The following TRPC7 variants were observed in gnomAD, a reference collection of about 807,000 sequenced individuals.
TRPC7 encodes transient receptor potential cation channel subfamily C member 7, also known as short transient receptor potential channel 7.
Under a neutral mutation model 90.1 loss-of-function variants are expected in TRPC7, and 42 were observed. The ratio of observed to expected loss-of-function variants is 0.47; its 90% CI spans 0.36 to 0.60. The LOEUF is 0.60. Ranked by LOEUF, TRPC7 falls within the 20% of genes least tolerant of loss-of-function variation. TRPC7 has a pLI of 0.00. For synonymous variants in TRPC7, 451 were observed against 436.3 expected (o/e 1.03, Z -0.42); for missense variants, 955 against 1,112.3 (o/e 0.86, Z 2.01).
intron 3 of TRPC7, among the ~76,000 whole-genome samples, chr5:136,281,012 T>C (rs551189187): frequency 7.2e-4 from 110 of 152,306 alleles, no homozygotes; most frequent in African/African-American, 2.5e-3. Flanking sequence ...AAAGATAGCA[T>C]TTTGAACTAT....
chr5:136,274,392 AG>A (rs1757293755), intron 4 of TRPC7, among the ~76,000 whole-genome samples: 5 of 152,140 alleles, frequency 3.3e-5, no homozygotes, highest in Non-Finnish European at 7.3e-5. Context: ...GAAGAAGAAA[AG>A]TGTCTTTATT....
At chr5:136,298,601 C>A (rs934887800) in intron 3 of TRPC7, among the ~76,000 whole-genome samples, 1 of 152,140 alleles carries the variant, frequency 6.6e-6, no homozygotes, top group Non-Finnish European at 1.5e-5. Context: ...GGAGGTGATG[C>A]CCTCCCCTTG....
At chr5:136,215,597 C>T (rs555610468) in intron 11 of TRPC7, among the ~76,000 whole-genome samples, 10 of 152,034 alleles carry the variant, frequency 6.6e-5, no homozygotes, top group East Asian at 1.9e-4. Context: ...CTGAGATGGG[C>T]GGATCACAAG....
intron 2 of TRPC7, among the ~76,000 whole-genome samples, chr5:136,327,983 G>T (rs370976984): frequency 6.6e-6 from 1 of 152,204 alleles, no homozygotes; most frequent in African/African-American, 2.4e-5. Flanking sequence ...CCTAGTGCTC[G>T]TTATGGCAGA....
intron 3 of TRPC7, among the ~76,000 whole-genome samples, chr5:136,283,007 G>C (rs1017916287): frequency 2.0e-5 from 3 of 152,212 alleles, no homozygotes; most frequent in African/African-American, 7.2e-5. Context: ...TCCTACTCAA[G>C]TCATTCTACC....
At chr5:136,312,011 C>T (rs1758847555) in intron 3 of TRPC7, among the ~76,000 whole-genome samples, 1 of 152,128 alleles carries the variant, frequency 6.6e-6, no homozygotes, top group Non-Finnish European at 1.5e-5. Context: ...ATTATTATTC[C>T]AACTTTCCTG....
rs2149803807 is a variant in TRPC7 at position 136,247,114 on chromosome 5, G to A, written c.1844+357C>T. On this transcript the variant is annotated intron_variant, in intron 7 of 11. Transcript: ENST00000513104. This position sits in a 1 kb window ranked among gnomAD's most constrained non-coding sequence, Gnocchi z 4.2. ...AAACAAAAGACAACATTATATTAATGGCATTCTGTTTTTAGTAGTGGTCTT... is the reference window on the plus strand; with the variant it reads ...AAACAAAAGACAACATTATATTAATAGCATTCTGTTTTTAGTAGTGGTCTT... Among the ~76,000 whole-genome samples the A allele has an allele frequency of 1.3e-5, 2 of 152,142 alleles. No individual in the cohort carries two copies. Among genetic ancestry groups the A allele is most frequent in the East Asian group, 1.9e-4 (1 of 5,178 alleles).
chr5:136,313,064 G>A (rs1049103498), intron 3 of TRPC7, among the ~76,000 whole-genome samples: 16 of 139,684 alleles, frequency 1.1e-4, no homozygotes, highest in African/African-American at 4.3e-4. Flanking sequence ...CAATCCTCCT[G>A]TCTCAGCTTC....
At chr5:136,220,788 T>C (rs1755428220) in intron 10 of TRPC7, among the ~76,000 whole-genome samples, 1 of 152,094 alleles carries the variant, frequency 6.6e-6, no homozygotes, top group South Asian at 2.1e-4. Flanking sequence ...CCTTTTGAAA[T>C]CCTCAATAGA....
chr5:136,275,754 A>G (rs6868895), intron 3 of TRPC7, among the ~76,000 whole-genome samples: 68,867 of 152,032 alleles, frequency 0.45, 16,702 homozygotes, highest in African/African-American at 0.63. Flanking sequence ...GGCCTATCAG[A>G]TTTTCTTTCC....
At chr5:136,244,457 C>T (rs1249730351) in intron 7 of TRPC7, among the ~76,000 whole-genome samples, 1 of 152,222 alleles carries the variant, frequency 6.6e-6, no homozygotes, top group Non-Finnish European at 1.5e-5. Context: ...GCAGTAGGAA[C>T]AGGATAGAAG....
intron 3 of TRPC7, among the ~76,000 whole-genome samples, chr5:136,307,237 T>C (rs1192641253): frequency 6.6e-6 from 1 of 152,174 alleles, no homozygotes; most frequent in African/African-American, 2.4e-5. Context: ...TCAAAATCTA[T>C]TCCTTCTGTC....
chr5:136,275,286 G>A (rs1757329419), intron 3 of TRPC7, among the ~76,000 whole-genome samples: 1 of 152,014 alleles, frequency 6.6e-6, no homozygotes, highest in Non-Finnish European at 1.5e-5. Context: ...TACTAGTTGG[G>A]TGACCTTGGG....
chr5:136,269,317 A>G (rs929623125), intron 4 of TRPC7, among the ~76,000 whole-genome samples: 1 of 152,208 alleles, frequency 6.6e-6, no homozygotes, highest in African/African-American at 2.4e-5. Context: ...ATGAATGTCA[A>G]AGCAACTGAA....
intron 5 of TRPC7, among the ~76,000 whole-genome samples, chr5:136,261,640 G>T (rs922394079): frequency 2.0e-5 from 3 of 152,158 alleles, no homozygotes; most frequent in Admixed American, 6.5e-5. Context: ...GCACTCTCTT[G>T]GTTCTTCTCT....
chr5:136,360,918 C>T (rs1760549299), intron 1 of TRPC7, among the ~76,000 whole-genome samples: 1 of 152,158 alleles, frequency 6.6e-6, no homozygotes, highest in African/African-American at 2.4e-5. Flanking sequence ...CATTTATGCA[C>T]TTGTGAATAT....
intron 7 of TRPC7, among the ~76,000 whole-genome samples, chr5:136,233,530 G>A (rs74921374): frequency 0.015 from 2,328 of 152,304 alleles, 48 homozygotes; most frequent in African/African-American, 0.046. Flanking sequence ...ATTCCAAACT[G>A]GAAGGAGACA....
intron 2 of TRPC7, among the ~76,000 whole-genome samples, chr5:136,321,039 C>T (rs1160754608): frequency 6.6e-6 from 1 of 152,120 alleles, no homozygotes; most frequent in African/African-American, 2.4e-5. Flanking sequence ...GATCCTAGAA[C>T]ATTTCCTGGA....
intron 2 of TRPC7, among the ~76,000 whole-genome samples, chr5:136,322,487 G>T (rs574914533): frequency 1.3e-5 from 2 of 152,266 alleles, no homozygotes; most frequent in African/African-American, 4.8e-5. Flanking sequence ...AATTATGAAT[G>T]TTCTAATGCT....
Sources: gnomAD v4.1 joint callset for allele counts (sites outside exome capture counted in the v4.1 genomes callset) on GRCh38, gnomAD v4.1.1 for gene constraint, Gnocchi (gnomAD v3.1) non-coding constraint, MANE v1.5 for transcripts, NCBI Gene and HGNC (gene_info 2026-07-23, HGNC 2026-07-21) for gene names.